The following LPP variants were observed in gnomAD, a reference collection of about 807,000 sequenced individuals.
LPP encodes LIM domain containing preferred translocation partner in lipoma, also known as lipoma-preferred partner.
LPP carries 38 observed loss-of-function variants against 60.4 expected under a neutral mutation model. The observed-to-expected ratio is 0.63, with a 90% CI of 0.49 to 0.83. The LOEUF (loss-of-function observed/expected upper bound fraction) is 0.83, where lower values mean the gene tolerates loss of function less well. Among genes scored for constraint, LPP ranks in the 40% least tolerant of loss-of-function variants. The probability of loss-of-function intolerance (pLI) is 0.00; values close to 1 mark genes in which losing one functional copy is unlikely to be tolerated. For missense variants in LPP, 902 were observed against 783.6 expected, an observed-to-expected ratio of 1.15 and a Z score of -1.80; for synonymous variants, 328 against 290.8, an observed-to-expected ratio of 1.13 and a Z score of -1.30.
intron 7 of LPP, among the ~76,000 whole-genome samples, chr3:188,670,832 A>T (rs73888873): frequency 0.059 from 8,980 of 152,230 alleles, 854 homozygotes; most frequent in African/African-American, 0.2. Context: ...GTCACATCTT[A>T]TGACCACAGG....
chr3:188,663,802 A>C (rs1286289151), intron 7 of LPP, among the ~76,000 whole-genome samples: 1 of 152,138 alleles, frequency 6.6e-6, no homozygotes, highest in Non-Finnish European at 1.5e-5. Context: ...CTTCCACCTC[A>C]GATTATCGGC....
intron 2 of LPP, among the ~76,000 whole-genome samples, chr3:188,239,490 T>G (rs569101294): frequency 6.6e-6 from 1 of 152,242 alleles, no homozygotes; most frequent in Non-Finnish European, 1.5e-5. Context: ...ATTTTTACTT[T>G]ATATCACCTT....
At chr3:188,738,793 T>C (rs6766661) in intron 8 of LPP, among the ~76,000 whole-genome samples, 33,611 of 152,066 alleles carry the variant, frequency 0.22, 4,249 homozygotes, top group Middle Eastern at 0.43. Flanking sequence ...ATCAGCAAGA[T>C]GTAATTTCTA....
chr3:188,234,506 TC>T (rs1721193843), intron 2 of LPP, among the ~76,000 whole-genome samples: 1 of 152,220 alleles, frequency 6.6e-6, no homozygotes, highest in Admixed American at 6.5e-5. Context: ...TTTAAATGTC[TC>T]TTTTTGTTCT....
At chr3:188,265,974 G>A (rs917765478) in intron 2 of LPP, among the ~76,000 whole-genome samples, 21 of 152,050 alleles carry the variant, frequency 1.4e-4, no homozygotes, top group African/African-American at 4.8e-4. Flanking sequence ...TAACTCTGGG[G>A]AGTGTGCATT....
intron 1 of LPP, among the ~76,000 whole-genome samples, chr3:188,205,277 C>CTTTTTTTTTT (rs34713244): frequency 9.7e-6 from 1 of 103,418 alleles, no homozygotes; most frequent in African/African-American, 3.7e-5. Context: ...AGATTATAAT[C>CTTTTTTTTTT]TTTTTTTTTT....
chr3:188,559,860 G>A (rs1165489019), intron 6 of LPP, among the ~76,000 whole-genome samples: 2 of 151,908 alleles, frequency 1.3e-5, no homozygotes, highest in African/African-American at 4.8e-5. Context: ...CCCCCAAACC[G>A]CTTTCTTCTT....
At position 188,522,028 on chromosome 3, in the gene LPP, T is replaced by G. The variant is rs138567333; in HGVS notation, c.307-2637T>G. On this transcript the variant is annotated intron_variant, in intron 5 of 11. Transcript: ENST00000617246. Reference sequence around the variant, plus strand: ...CATGAATTTTAAATGTTAAATGGAATTTTTCTTAATAATACCACAGTGTTT... The same window carrying G: ...CATGAATTTTAAATGTTAAATGGAAGTTTTCTTAATAATACCACAGTGTTT... Among the ~76,000 whole-genome samples, 761 of 152,334 alleles carry G rather than the reference T, an allele frequency of 5.0e-3. 7 individuals are homozygous for G. Among genetic ancestry groups the G allele is most frequent in the African/African-American group, 0.017 (696 of 41,566 alleles).
At chr3:188,164,544 A>G (rs1010252397) in intron 1 of LPP, among the ~76,000 whole-genome samples, 3 of 152,068 alleles carry the variant, frequency 2.0e-5, no homozygotes, top group African/African-American at 7.2e-5. Context: ...AAAACGAATC[A>G]TTTTCAGGAA....
chr3:188,596,308 G>A (rs1839970177), intron 6 of LPP, among the ~76,000 whole-genome samples: 1 of 152,130 alleles, frequency 6.6e-6, no homozygotes. Flanking sequence ...GTTTTACAGG[G>A]ATAAAGGGAT....
chr3:188,230,171 C>T (rs768156100), intron 2 of LPP, among the ~76,000 whole-genome samples: 9 of 151,950 alleles, frequency 5.9e-5, no homozygotes, highest in Admixed American at 5.9e-4. Flanking sequence ...CTGCAACCTC[C>T]GCCTCCAGGA....
At chr3:188,726,741 A>T (rs1486503053) in intron 8 of LPP, among the ~76,000 whole-genome samples, 1 of 152,148 alleles carries the variant, frequency 6.6e-6, no homozygotes, top group Admixed American at 6.6e-5. Context: ...ATGAATTATT[A>T]TTTCTCGTAA....
chr3:188,600,961 T>C (rs1158803734), intron 6 of LPP, among the ~76,000 whole-genome samples: 1 of 152,020 alleles, frequency 6.6e-6, no homozygotes, highest in Non-Finnish European at 1.5e-5. Flanking sequence ...GATATAGATG[T>C]GTGTGTGTAT....
intron 9 of LPP, among the ~76,000 whole-genome samples, chr3:188,837,421 A>AATC (rs1553864806): frequency 2.4e-4 from 34 of 141,720 alleles, no homozygotes; most frequent in African/African-American, 8.2e-4. Context: ...TAATAATAAT[A>AATC]ATCTGTGCTT....
intron 6 of LPP, among the ~76,000 whole-genome samples, chr3:188,560,996 A>G (rs950046685): frequency 1.6e-4 from 24 of 152,212 alleles, no homozygotes; most frequent in African/African-American, 5.8e-4. Context: ...TTGGATTTCA[A>G]GCAGCATCCT....
chr3:188,499,512 T>G (rs1811211910), intron 5 of LPP, among the ~76,000 whole-genome samples: 1 of 152,204 alleles, frequency 6.6e-6, no homozygotes, highest in Non-Finnish European at 1.5e-5. Flanking sequence ...TTACTTTAGC[T>G]TTGTATTAAT....
chr3:188,175,675 C>T (rs1245048676), intron 1 of LPP, among the ~76,000 whole-genome samples: 3 of 152,096 alleles, frequency 2.0e-5, no homozygotes, highest in African/African-American at 7.2e-5. Context: ...ATTCCTTCAA[C>T]TGGCTTTATA....
chr3:188,318,034 G>A lies in LPP; in HGVS notation c.-66-23629G>A, dbSNP rs1425431931. ...AAATAGAGAGGCTCTAGGGAAAACA[G>A]CATTCTCATAGAAGATCCTTCTCCA... On this transcript the variant is annotated intron_variant, in intron 2 of 11. Transcript: ENST00000617246. Among the ~76,000 whole-genome samples the A allele has an allele frequency of 2.6e-5, 4 of 152,270 alleles. No homozygotes were observed. The South Asian group carries it at 8.3e-4, about 32-fold the overall frequency.
At chr3:188,466,804 A>AATATAT (rs375483583) in intron 4 of LPP, among the ~76,000 whole-genome samples, 4,112 of 72,662 alleles carry the variant, frequency 0.057, 806 homozygotes, top group South Asian at 0.062. Flanking sequence ...GTCATCTCAG[A>AATATAT]ACATATATAT....
Sources: gnomAD v4.1 joint callset for allele counts (sites outside exome capture counted in the v4.1 genomes callset) on GRCh38, gnomAD v4.1.1 for gene constraint, MANE v1.5 for transcripts, NCBI Gene and HGNC (gene_info 2026-07-23, HGNC 2026-07-21) for gene names.